The following COL25A1 variants were observed in gnomAD, a reference collection of about 807,000 sequenced individuals.
COL25A1 encodes collagen alpha-1(XXV) chain.
COL25A1 carries 103 observed loss-of-function variants against 128.4 expected under a neutral mutation model. The ratio of observed to expected loss-of-function variants is 0.80; its 90% confidence interval spans 0.68 to 0.94. COL25A1 has a LOEUF of 0.94. COL25A1 is among the 40% of genes least tolerant of loss of function. COL25A1 has a pLI of 0.00. For synonymous variants in COL25A1, 279 were observed against 277.2 expected (o/e 1.01, Z -0.06); for missense variants, 745 against 840.0 (o/e 0.89, Z 1.40).
rs1731522567 is a variant in COL25A1 at position 108,819,102 on chromosome 4, C to T, written c.1923+150G>A. Reference sequence around the variant, plus strand: ...CGCGTGCTTGCTCTCTGACTCTGCACAGTGGCAGAAGGAGCCTGTTCATGC... The same window carrying T: ...CGCGTGCTTGCTCTCTGACTCTGCATAGTGGCAGAAGGAGCCTGTTCATGC... On this transcript the variant is annotated intron_variant, in intron 36 of 37. Coordinates refer to ENST00000399132, the MANE Select transcript of COL25A1 (RefSeq NM_198721.4). 8.0e-6 allele frequency: 4 copies of T among 500,324 alleles called. No homozygotes were observed. The East Asian group carries it at 1.3e-4, about 16-fold the overall frequency. The allele number at this position is 500,324 out of a possible 1,614,324, so 31.0% of individuals were successfully genotyped here. A position where few individuals can be genotyped will look rare whatever the true frequency, so the allele number is the denominator to read the frequency against.
intron 3 of COL25A1, among the ~76,000 whole-genome samples, chr4:109,185,083 T>C (rs1775013111): frequency 6.6e-6 from 1 of 152,198 alleles, no homozygotes; most frequent in Non-Finnish European, 1.5e-5. Flanking sequence ...ATTGTTAAGG[T>C]TGAAGAAAGG....
intron 3 of COL25A1, among the ~76,000 whole-genome samples, chr4:109,092,593 T>G (rs78000921): frequency 0.025 from 3,738 of 152,316 alleles, 173 homozygotes; most frequent in African/African-American, 0.085. Flanking sequence ...ACCTTCTTAC[T>G]CTCTTAGAAG....
Position 108,829,237 on chromosome 4 carries a change from G to A in COL25A1, c.1711-2049C>T, listed in dbSNP as rs190297104. On this transcript the variant is annotated intron_variant, in intron 32 of 37. Coordinates refer to ENST00000399132, the MANE Select transcript of COL25A1 (RefSeq NM_198721.4). The stretch of plus-strand genomic sequence containing the variant: ...TTTAAGAATGGAGCAAAGGACGGGC[G>A]CAGTGGCTTATGCCTTGCACTTTAG... Among the ~76,000 whole-genome samples, 198 of 152,204 alleles carry A rather than the reference G, an allele frequency of 1.3e-3. 1 individual carries two copies. Among genetic ancestry groups the A allele is most frequent in the Non-Finnish European group, 2.4e-3 (162 of 68,002 alleles).
intron 8 of COL25A1, 151 bp from the exon 9 acceptor site, chr4:108,941,588 T>C: frequency 5.1e-6 from 3 of 584,940 alleles, no homozygotes; most frequent in Non-Finnish European, 6.1e-6. Flanking sequence ...TGTCTAACAT[T>C]AGACCCACTG....
chr4:108,969,024 A>G (rs939857030), intron 8 of COL25A1, among the ~76,000 whole-genome samples: 2 of 151,754 alleles, frequency 1.3e-5, no homozygotes, highest in Non-Finnish European at 2.9e-5. Flanking sequence ...CCTGACTACA[A>G]CTCCAGGGTC....
At chr4:108,943,020 T>C (rs1387474819) in intron 8 of COL25A1, among the ~76,000 whole-genome samples, 6 of 151,992 alleles carry the variant, frequency 3.9e-5, no homozygotes, top group South Asian at 2.1e-4. Context: ...CCTCCCAAAG[T>C]GCTGGGATTA....
rs527547705 is a variant in COL25A1, at chr4:109,127,226, C to T, written c.368-77047G>A. On this transcript the variant is annotated intron_variant, in intron 3 of 37. Coordinates refer to ENST00000399132, the MANE Select transcript of COL25A1 (RefSeq NM_198721.4). ...TGAGTATGAGGACCATGCCTTCATTCCTTAGTGTGTGCTACTTTAATTAAA... is the reference window on the plus strand; with the variant it reads ...TGAGTATGAGGACCATGCCTTCATTTCTTAGTGTGTGCTACTTTAATTAAA... Among the ~76,000 whole-genome samples the T allele has an allele frequency of 3.9e-5, 6 of 152,230 alleles. No homozygotes were observed. In the South Asian group the frequency reaches 1.2e-3, roughly 32 times the overall value.
intron 3 of COL25A1, among the ~76,000 whole-genome samples, chr4:109,299,708 A>G (rs1015028770): frequency 1.3e-5 from 2 of 152,210 alleles, no homozygotes; most frequent in African/African-American, 2.4e-5. Flanking sequence ...TCATAAATGT[A>G]TTAACAATGT....
chr4:108,892,174 G>A lies in COL25A1; in HGVS notation c.907-2441C>T, dbSNP rs541701288. On this transcript the variant is annotated intron_variant, in intron 16 of 37. Coordinates refer to ENST00000399132, the MANE Select transcript of COL25A1 (RefSeq NM_198721.4). Reference sequence around the variant, plus strand: ...TAAAAATGAATACTGGATTAAAGTAGGGGGAAAAACCCCAACTGCGTCTTA... The same window carrying A: ...TAAAAATGAATACTGGATTAAAGTAAGGGGAAAAACCCCAACTGCGTCTTA... 3.3e-5 allele frequency among the ~76,000 whole-genome samples: 5 copies of A among 152,202 alleles called. No individual in the cohort carries two copies. In the South Asian group the frequency reaches 6.2e-4, roughly 19 times the overall value.
intron 6 of COL25A1, among the ~76,000 whole-genome samples, chr4:108,988,841 T>A (rs1753905268): frequency 6.6e-6 from 1 of 152,228 alleles, no homozygotes; most frequent in East Asian, 1.9e-4. Context: ...CTTCGACTAA[T>A]GGGGCTTTCT....
chr4:109,208,973 T>G (rs1176361508), intron 3 of COL25A1, among the ~76,000 whole-genome samples: 4 of 152,200 alleles, frequency 2.6e-5, no homozygotes, highest in African/African-American at 7.2e-5. Flanking sequence ...CAGTAGATAA[T>G]TGAATGAAAT....
At chr4:109,072,883 C>T (rs892969352) in intron 3 of COL25A1, among the ~76,000 whole-genome samples, 5 of 152,166 alleles carry the variant, frequency 3.3e-5, no homozygotes, top group South Asian at 2.1e-4. Flanking sequence ...TATACTGCTC[C>T]GCACCACCCC....
intron 3 of COL25A1, among the ~76,000 whole-genome samples, chr4:109,287,424 C>T (rs1365315461): frequency 6.6e-6 from 1 of 152,092 alleles, no homozygotes; most frequent in African/African-American, 2.4e-5. Context: ...TATACATGAC[C>T]TTTCACCTTT....
At chr4:108,960,135 T>C (rs1397860753) in intron 8 of COL25A1, among the ~76,000 whole-genome samples, 1 of 152,106 alleles carries the variant, frequency 6.6e-6, no homozygotes, top group African/African-American at 2.4e-5. Flanking sequence ...AGAAATAATG[T>C]GTTTATCTAT....
rs1031682815 is a variant in COL25A1, at chr4:108,813,973, G to C, written c.1963-44C>G. On this transcript the variant is annotated intron_variant, in intron 37 of 37. Transcript: ENST00000399132. ...AAAAGACAAATACATGGAATTAGTA[G>C]TCTTGAATTAAAATTTTAAATCAAT... 5 of 1,492,020 alleles carry C rather than the reference G, an allele frequency of 3.4e-6. No homozygotes were observed. In the African/African-American group the frequency reaches 7.0e-5, roughly 21 times the overall value. The allele number at this position is 1,492,020 out of a possible 1,614,324, so 92.4% of individuals were successfully genotyped here. A position where few individuals can be genotyped will look rare whatever the true frequency, so the allele number is the denominator to read the frequency against.
chr4:109,037,120 T>C (rs1162743755), intron 5 of COL25A1, among the ~76,000 whole-genome samples: 2 of 152,150 alleles, frequency 1.3e-5, no homozygotes, highest in African/African-American at 2.4e-5. Context: ...CATCATAACA[T>C]AGATGTAGCT....
intron 31 of COL25A1, chr4:108,837,995 A>G: frequency 1.2e-6 from 1 of 820,582 alleles, no homozygotes; most frequent in South Asian, 1.5e-5. Context: ...TTCTAATTAC[A>G]GAAACCTCAA....
At chr4:108,969,062 G>A (rs1219575447) in intron 8 of COL25A1, among the ~76,000 whole-genome samples, 1 of 152,102 alleles carries the variant, frequency 6.6e-6, no homozygotes, top group East Asian at 1.9e-4. Context: ...GCTGAATAGG[G>A]ACACTTGTTC....
At chr4:109,246,016 C>CA (rs772260651) in intron 3 of COL25A1, among the ~76,000 whole-genome samples, 2,418 of 65,592 alleles carry the variant, frequency 0.037, 62 homozygotes, top group South Asian at 0.23. Context: ...TGTTAAAAAG[C>CA]AAAAAAAAAA....
Sources: allele counts gnomAD v4.1 joint callset (sites outside exome capture counted in the v4.1 genomes callset), GRCh38; gene constraint gnomAD v4.1.1; transcripts MANE v1.5; gene names NCBI Gene and HGNC (gene_info 2026-07-23, HGNC 2026-07-21).